WDR41: variants seen among roughly 807,000 people sequenced by gnomAD.
WDR41 encodes WD repeat domain 41.
Under a neutral mutation model 69.3 loss-of-function variants are expected in WDR41, and 63 were observed. The ratio of observed to expected loss-of-function variants is 0.91; its 90% CI spans 0.74 to 1.12. The LOEUF is 1.12. Ranked by LOEUF, WDR41 falls within the 50% of genes most tolerant of loss-of-function variation. The pLI is 0.00. For synonymous variants in WDR41, 185 were observed against 192.1 expected (o/e 0.96, Z 0.31); for missense variants, 543 against 534.5 (o/e 1.02, Z -0.16).
rs1744028092 is a variant in WDR41, at chr5:77,585,835, G to A, written c.42+34644C>T. On this transcript the variant is annotated intron_variant, in intron 1 of 5. Transcript: ENST00000509971. ...TGGGGACTTGGGGGGAAGAAAGGGAGGAGGGCGAGGGATAAAATACTACAA... is the reference window on the plus strand; with the variant it reads ...TGGGGACTTGGGGGGAAGAAAGGGAAGAGGGCGAGGGATAAAATACTACAA... Among the ~76,000 whole-genome samples, 8 of 152,136 alleles carry A rather than the reference G, an allele frequency of 5.3e-5. No homozygotes were observed. The South Asian group carries it at 1.7e-3, about 32-fold the overall frequency.
intron 1 of WDR41, chr5:77,545,549 G>T: frequency 3.8e-6 from 1 of 263,106 alleles, no homozygotes; most frequent in Non-Finnish European, 7.3e-6. Context: ...AGGACAAGGA[G>T]TTGGATGCCC....
At chr5:77,556,793 G>A (rs1743410438) in intron 1 of WDR41, among the ~76,000 whole-genome samples, 1 of 152,160 alleles carries the variant, frequency 6.6e-6, no homozygotes, top group Non-Finnish European at 1.5e-5. Flanking sequence ...AGGCTTTCTG[G>A]TCAGAACAGG....
chr5:77,604,141 T>G (rs1744372994), intron 1 of WDR41, among the ~76,000 whole-genome samples: 1 of 152,216 alleles, frequency 6.6e-6, no homozygotes, highest in Non-Finnish European at 1.5e-5. Flanking sequence ...ACGGATTGCA[T>G]TGAATCTGAA....
chr5:77,558,883 A>C lies in WDR41; in HGVS notation c.42+61596T>G, dbSNP rs545513309. 7.0e-3 allele frequency among the ~76,000 whole-genome samples: 404 copies of C among 57,588 alleles called. 3 individuals are homozygous for C. The highest frequency in any genetic ancestry group is 0.022 in the African/African-American group (380 of 17,472). 37.8% of individuals were successfully genotyped at this position (57,588 alleles called of 152,430 possible). A position where few individuals can be genotyped will look rare whatever the true frequency, so the allele number is the denominator to read the frequency against. On this transcript the variant is annotated intron_variant, in intron 1 of 5. Coordinates refer to the WDR41 transcript ENST00000509971. Reference sequence around the variant, plus strand: ...TTCAAAATAATAAAGTCATTGAAAAAATATTTTTTTTCTGTATTTTCCAAA... The same window carrying C: ...TTCAAAATAATAAAGTCATTGAAAACATATTTTTTTTCTGTATTTTCCAAA...
At chr5:77,501,859 C>T (rs1802022214) in intron 1 of WDR41, among the ~76,000 whole-genome samples, 1 of 152,146 alleles carries the variant, frequency 6.6e-6, no homozygotes, top group Admixed American at 6.5e-5. Flanking sequence ...GACATCTACA[C>T]CCCATTGGTA....
intron 1 of WDR41, among the ~76,000 whole-genome samples, chr5:77,581,567 A>T (rs959638208): frequency 2.0e-5 from 3 of 152,216 alleles, no homozygotes; most frequent in Non-Finnish European, 4.4e-5. Context: ...TCTCAAGTGG[A>T]TGTGGAGGAT....
intron 1 of WDR41, chr5:77,582,340 C>T: frequency 6.4e-7 from 1 of 1,573,898 alleles, no homozygotes; most frequent in Non-Finnish European, 8.7e-7. Flanking sequence ...GTGCAGAGTA[C>T]GCATGCGCCA....
chr5:77,502,313 G>A (rs1461988496), intron 1 of WDR41, among the ~76,000 whole-genome samples: 6 of 151,892 alleles, frequency 4.0e-5, no homozygotes, highest in Non-Finnish European at 7.4e-5. Flanking sequence ...AGAAGAAAAG[G>A]TTAGAGAAAA....
intron 1 of WDR41, among the ~76,000 whole-genome samples, chr5:77,613,243 C>T (rs1438575782): frequency 1.3e-5 from 2 of 152,112 alleles, no homozygotes; most frequent in Non-Finnish European, 2.9e-5. Flanking sequence ...AGATTCAATG[C>T]CATTCCCATC....
intron 1 of WDR41, among the ~76,000 whole-genome samples, chr5:77,505,984 C>A (rs1802098623): frequency 6.6e-6 from 1 of 152,134 alleles, no homozygotes; most frequent in Non-Finnish European, 1.5e-5. Context: ...TGGGCAAGGA[C>A]TTCATGTCTA....
chr5:77,487,777 T>C (rs1388914806), intron 2 of WDR41, among the ~76,000 whole-genome samples: 2 of 152,196 alleles, frequency 1.3e-5, no homozygotes, highest in East Asian at 3.9e-4. Flanking sequence ...ATTTAAAGGT[T>C]TGGGCTTTCT....
At chr5:77,582,171 C>A (rs934417043) in intron 1 of WDR41, among the ~76,000 whole-genome samples, 2 of 152,008 alleles carry the variant, frequency 1.3e-5, no homozygotes, top group Admixed American at 6.6e-5. Context: ...ACCAAACTTA[C>A]AGAAGTAAAA....
At chr5:77,603,775 T>C (rs1341146869) in intron 1 of WDR41, among the ~76,000 whole-genome samples, 1 of 152,200 alleles carries the variant, frequency 6.6e-6, no homozygotes, top group African/African-American at 2.4e-5. Context: ...GGAGTCCAGT[T>C]TGATTCTTCT....
At chr5:77,447,100 G>A (rs1242490158) in intron 8 of WDR41, among the ~76,000 whole-genome samples, 1 of 152,158 alleles carries the variant, frequency 6.6e-6, no homozygotes, top group East Asian at 1.9e-4. Flanking sequence ...CCATCAAAAA[G>A]TGGGCAAAAT....
In WDR41 at chr5:77,470,109, A is replaced by C. The variant is rs372350789; in HGVS notation, c.168-5300T>G. Among the ~76,000 whole-genome samples the C allele has an allele frequency of 4.6e-5, 7 of 151,550 alleles. No individual in the cohort carries two copies. The East Asian group carries it at 1.4e-3, about 29-fold the overall frequency. On this transcript the variant is annotated intron_variant, in intron 2 of 12. Coordinates refer to ENST00000296679, the MANE Select transcript of WDR41 (RefSeq NM_018268.4). ...CAGAAACTCTACAAGCCAGAAGATA[A>C]TGGGGGCCAATATTCAACATTCTTA...
chr5:77,582,227 C>T, intron 1 of WDR41: 2 of 704,658 alleles, frequency 2.8e-6, no homozygotes, highest in Non-Finnish European at 4.8e-6. Context: ...CAATAGATTA[C>T]ATAACTTAGA....
intron 1 of WDR41, among the ~76,000 whole-genome samples, chr5:77,538,572 T>A (rs900363963): frequency 6.6e-6 from 1 of 152,238 alleles, no homozygotes; most frequent in Non-Finnish European, 1.5e-5. Flanking sequence ...TTTCTGTTCC[T>A]GCATTAATTC....
intron 1 of WDR41, among the ~76,000 whole-genome samples, chr5:77,611,879 A>C (rs200940603): frequency 6.6e-6 from 1 of 152,114 alleles, no homozygotes; most frequent in Non-Finnish European, 1.5e-5. Flanking sequence ...GATCAATAAA[A>C]TTGATAGACT....
Position 77,436,411 on chromosome 5 carries a change from T to C in WDR41, c.1094-17A>G. The C allele has an allele frequency of 6.2e-7, 1 of 1,613,254 alleles. No individual in the cohort carries two copies. The highest frequency in any genetic ancestry group is 8.5e-7 in the Non-Finnish European group (1 of 1,179,588). ...TAAAAAAACCTAGAAAAAGAATCAT[T>C]TCCAAAATTACTGTGCTCTGTACTT... is the stretch of plus-strand genomic sequence containing the variant. On this transcript the variant is annotated splice_polypyrimidine_tract_variant and intron_variant, in intron 11 of 12. Transcript: ENST00000296679.
Sources: gnomAD v4.1 joint callset for allele counts (sites outside exome capture counted in the v4.1 genomes callset) on GRCh38, gnomAD v4.1.1 for gene constraint, MANE v1.5 for transcripts, NCBI Gene and HGNC (gene_info 2026-07-23, HGNC 2026-07-21) for gene names.